The following DNMBP variants were observed in gnomAD, a reference collection of about 807,000 sequenced individuals.
The protein encoded by DNMBP is dynamin-binding protein.
Under a neutral mutation model 150.0 loss-of-function variants are expected in DNMBP, and 87 were observed. The observed-to-expected ratio is 0.58, with a 90% CI of 0.49 to 0.69. The LOEUF (loss-of-function observed/expected upper bound fraction) is 0.69. DNMBP is among the 30% of genes least tolerant of loss of function. DNMBP has a pLI of 0.00. For missense variants in DNMBP, 1,774 were observed against 1,949.0 expected (o/e 0.91, Z 1.69); for synonymous variants, 711 against 750.4 (o/e 0.95, Z 0.86).
intron 6 of DNMBP, 127 bp from the exon 7 acceptor site, chr10:99,900,193 T>A: frequency 1.1e-6 from 1 of 889,144 alleles, no homozygotes; most frequent in South Asian, 1.7e-5. Flanking sequence ...ATACTAAGAC[T>A]ATCCATCAAA....
intron 1 of DNMBP, among the ~76,000 whole-genome samples, chr10:100,002,555 TC>T (rs2041026433): frequency 6.6e-6 from 1 of 152,246 alleles, no homozygotes; most frequent in African/African-American, 2.4e-5. Flanking sequence ...AAACTTATCA[TC>T]CTGAGTATGG....
rs1026561413 is a variant in DNMBP at position 99,881,216 on chromosome 10, G to T, written c.3998-855C>A. ...GCACTCCAACCTGGGCAACAAGAAC[G>T]AAACTCCGTCTCAAAAAAAAAGCCT... On this transcript the variant is annotated intron_variant, in intron 15 of 16. Coordinates refer to ENST00000324109, the MANE Select transcript of DNMBP (RefSeq NM_015221.4). 2.0e-5 allele frequency among the ~76,000 whole-genome samples: 3 copies of T among 151,818 alleles called. No individual in the cohort carries two copies. In the East Asian group the frequency reaches 5.8e-4, roughly 29 times the overall value.
At chr10:99,953,974 A>T (rs1026808948) in intron 4 of DNMBP, among the ~76,000 whole-genome samples, 1 of 152,092 alleles carries the variant, frequency 6.6e-6, no homozygotes, top group Non-Finnish European at 1.5e-5. Flanking sequence ...ACTGCTATGG[A>T]TGCCATAGCA....
intron 4 of DNMBP, among the ~76,000 whole-genome samples, chr10:99,943,776 G>C (rs1160118782): frequency 6.6e-6 from 1 of 152,108 alleles, no homozygotes; most frequent in Non-Finnish European, 1.5e-5. Context: ...ATATAAAACA[G>C]TTACACTTTA....
intron 4 of DNMBP, among the ~76,000 whole-genome samples, chr10:99,954,948 G>T (rs1179648192): frequency 6.6e-6 from 1 of 151,544 alleles, no homozygotes. Flanking sequence ...AGCCATTTGG[G>T]AGGCTGAGGC....
chr10:99,885,539 A>T, intron 14 of DNMBP, 148 bp downstream of exon 14: 1 of 732,864 alleles, frequency 1.4e-6, no homozygotes, highest in Non-Finnish European at 2.1e-6. Flanking sequence ...CGAATGCATG[A>T]GCCCATGATG....
At chr10:100,004,474 A>G (rs2041047560) in intron 1 of DNMBP, among the ~76,000 whole-genome samples, 1 of 152,204 alleles carries the variant, frequency 6.6e-6, no homozygotes, top group Non-Finnish European at 1.5e-5. Context: ...CTAATGGAAC[A>G]AAATAAATGC....
chr10:99,880,440 A>G, intron 15 of DNMBP, 79 bp from the exon 16 acceptor site: 4 of 1,435,018 alleles, frequency 2.8e-6, no homozygotes, highest in Non-Finnish European at 3.6e-6. Context: ...AGAGAAAAAA[A>G]ACTGATCTAG....
chr10:99,877,124 C>T lies in DNMBP; in HGVS notation c.*27G>A. 6.3e-7 allele frequency: 1 copy of T among 1,584,364 alleles called. No individual in the cohort carries two copies. The highest frequency in any genetic ancestry group is 8.6e-7 in the Non-Finnish European group (1 of 1,164,978). On this transcript the variant is annotated 3_prime_UTR_variant, in exon 17 of 17. Coordinates refer to ENST00000324109, the MANE Select transcript of DNMBP (RefSeq NM_015221.4). ...CTCGGCGGACTGAAAGCAAAGGCAG[C>T]AAGGCTGGGTGGCAGGCAACGTGGG...
At position 99,969,211 on chromosome 10, in the gene DNMBP, T is replaced by C. The variant is rs139502777; in HGVS notation, c.172A>G (p.Ile58Val). ...TGQFPSSFVE[I>V]VTIPSLKEGE... ...TCTTTTAGACTGGGAATGGTCACAA[T>C]TTCCACAAAACTGCTGGGGAATTGT... The change falls in exon 3 of 17, where the codon ATT (isoleucine) becomes GTT (valine). Residue 58 changes from isoleucine (I) to valine (V), a missense_variant. This residue lies in a region of DNMBP where 344 missense variants were observed against 456.6 expected (regional missense o/e 0.75). Coordinates refer to ENST00000324109, the MANE Select transcript of DNMBP (RefSeq NM_015221.4). 6.2e-7 allele frequency: 1 copy of C among 1,613,992 alleles called. No individual in the cohort carries two copies. The highest frequency in any genetic ancestry group is 8.5e-7 in the Non-Finnish European group (1 of 1,179,976).
At chr10:99,930,510 T>C in intron 4 of DNMBP, 1 of 703,020 alleles carries the variant, frequency 1.4e-6, no homozygotes, top group Non-Finnish European at 2.6e-6. Flanking sequence ...TCCACTTTCA[T>C]GTGCTTCCCC....
chr10:100,006,000 C>T (rs1375756014), intron 1 of DNMBP, among the ~76,000 whole-genome samples: 1 of 152,140 alleles, frequency 6.6e-6, no homozygotes, highest in Non-Finnish European at 1.5e-5. Flanking sequence ...AAGAAAAACT[C>T]TTATGACCTA....
At chr10:99,901,982 A>AC (rs1409394075) in intron 6 of DNMBP, among the ~76,000 whole-genome samples, 3 of 150,968 alleles carry the variant, frequency 2.0e-5, no homozygotes, top group African/African-American at 7.3e-5. Flanking sequence ...GGCTCACTGC[A>AC]CCCGCCACCT....
intron 4 of DNMBP, among the ~76,000 whole-genome samples, chr10:99,915,459 C>G (rs1471221269): frequency 2.0e-5 from 3 of 151,568 alleles, no homozygotes; most frequent in Non-Finnish European, 4.4e-5. Flanking sequence ...ATAATTCCAG[C>G]ATTTTGGGAG....
At chr10:99,981,460 G>C (rs989616565) in intron 1 of DNMBP, among the ~76,000 whole-genome samples, 1 of 152,180 alleles carries the variant, frequency 6.6e-6, no homozygotes, top group African/African-American at 2.4e-5. Context: ...GGGATTACAG[G>C]TATGAGCCAC....
chr10:99,898,907 C>T (rs1440664017), intron 7 of DNMBP, 147 bp from the exon 8 acceptor site: 3 of 830,696 alleles, frequency 3.6e-6, no homozygotes, highest in African/African-American at 3.5e-5. Flanking sequence ...AAAATGTTAG[C>T]CCCGGCCAGG....
chr10:99,877,263 T>C lies in DNMBP; in HGVS notation c.4622A>G (p.Lys1541Arg). ...ELSVSANQKLKILEFKDVTGN... is the reference protein window; with the variant it reads ...ELSVSANQKLRILEFKDVTGN... ...TGTAACATCTTTAAACTCGAGGATC[T>C]TGAGTTTCTGATTGGCTGACACGCT... Residue 1541 changes from lysine (K) to arginine (R), a missense_variant, in exon 17 of 17, where the codon AAG (lysine) becomes AGG (arginine). Around this residue, in one of 2 missense-constraint regions of DNMBP, gnomAD observed 1,430 missense variants for 1,492.5 expected, o/e 0.96. Coordinates refer to ENST00000324109, the MANE Select transcript of DNMBP (RefSeq NM_015221.4). The C allele has an allele frequency of 6.2e-7, 1 of 1,614,084 alleles. No homozygotes were observed.
rs2039634511 is a variant in DNMBP, at chr10:99,895,169, C to T, written c.3052-119G>A. ...GAGACGGAGTTTTGCTCTTGTCGTC[C>T]AGGTTGGAGTGCAATGGCATGATCT... On this transcript the variant is annotated intron_variant, in intron 10 of 16. Transcript: ENST00000324109. 3.7e-5 allele frequency: 23 copies of T among 620,070 alleles called. 1 individual carries two copies. In the South Asian group the frequency reaches 4.6e-4, roughly 12 times the overall value. The allele number at this position is 620,070 out of a possible 1,614,324, so 38.4% of individuals were successfully genotyped here. A position where few individuals can be genotyped will look rare whatever the true frequency, so the allele number is the denominator to read the frequency against.
At chr10:99,960,884 G>A (rs1335327694) in intron 3 of DNMBP, among the ~76,000 whole-genome samples, 2 of 61,072 alleles carry the variant, frequency 3.3e-5, no homozygotes, top group Non-Finnish European at 7.4e-5. Flanking sequence ...AGGCTGAGGT[G>A]GAAGACTGCT....
Sources: allele counts gnomAD v4.1 joint callset (sites outside exome capture counted in the v4.1 genomes callset), GRCh38; gene constraint gnomAD v4.1.1; regional missense constraint gnomAD v4.1.1; transcripts MANE v1.5; gene names NCBI Gene and HGNC (gene_info 2026-07-23, HGNC 2026-07-21).